Variants in LMBR1 observed in about 807,000 individuals in gnomAD.
LMBR1 encodes the protein limb development membrane protein 1.
LMBR1 carries 52 observed loss-of-function variants against 73.9 expected under a neutral mutation model. That is an observed-to-expected ratio of 0.70 (90% confidence interval 0.56 to 0.89). LMBR1 has a LOEUF of 0.89. Ranked by LOEUF, LMBR1 falls within the 40% of genes least tolerant of loss-of-function variation. The probability of loss-of-function intolerance (pLI) is 0.00; values close to 1 mark genes in which losing one functional copy is unlikely to be tolerated. For missense variants in LMBR1, 539 were observed against 579.8 expected (o/e 0.93, Z 0.72); for synonymous variants, 215 against 209.4 (o/e 1.03, Z -0.23).
At position 156,681,524 on chromosome 7, in the gene LMBR1, A is replaced by C. The variant is rs1805025648; in HGVS notation, c.*2554T>G. ...AAATGTTATAATCTGAAAACTTATA[A>C]TTGTAAAATAATTTATTTAAGTATT... On this transcript the variant is annotated 3_prime_UTR_variant, in exon 17 of 17. Coordinates refer to ENST00000353442, the MANE Select transcript of LMBR1 (RefSeq NM_022458.4). 2 of 154,366 alleles carry C rather than the reference A, an allele frequency of 1.3e-5. No individual in the cohort carries two copies. Among genetic ancestry groups the C allele is most frequent in the African/African-American group, 4.8e-5 (2 of 41,486 alleles). The allele number at this position is 154,366 out of a possible 1,614,324, so 9.6% of individuals were successfully genotyped here.
intron 8 of LMBR1, among the ~76,000 whole-genome samples, 161 bp from the exon 9 acceptor site, chr7:156,756,626 T>C (rs980254426): frequency 6.6e-6 from 1 of 152,198 alleles, no homozygotes; most frequent in Admixed American, 6.5e-5. Flanking sequence ...ATAAATTAAG[T>C]ACAAATACTT....
chr7:156,810,913 C>T (rs1313141992), intron 4 of LMBR1, among the ~76,000 whole-genome samples: 3 of 148,766 alleles, frequency 2.0e-5, no homozygotes, highest in Non-Finnish European at 3.0e-5. Context: ...CGGGTTCAAG[C>T]GATTCTCCTC....
chr7:156,787,318 T>C (rs1284399414), intron 5 of LMBR1, among the ~76,000 whole-genome samples: 1 of 152,224 alleles, frequency 6.6e-6, no homozygotes, highest in African/African-American at 2.4e-5. Flanking sequence ...TGTTCCTGTT[T>C]GTTGTTCTTC....
rs571180802 is a variant in LMBR1, at chr7:156,768,102, G to A, written c.424-4307C>T. ...TACAATATTTAAATAAACAGAAAACGAGGCTGGGCACAGTGGCTCACACCT... is the reference window on the plus strand; with the variant it reads ...TACAATATTTAAATAAACAGAAAACAAGGCTGGGCACAGTGGCTCACACCT... On this transcript the variant is annotated intron_variant, in intron 5 of 16. Transcript: ENST00000353442. Among the ~76,000 whole-genome samples, 1,035 of 152,138 alleles carry A rather than the reference G, an allele frequency of 6.8e-3. 5 individuals carry two copies. The highest frequency in any genetic ancestry group is 0.012 in the Non-Finnish European group (806 of 67,986).
chr7:156,867,719 T>C (rs1285631881), intron 1 of LMBR1, among the ~76,000 whole-genome samples: 1 of 152,224 alleles, frequency 6.6e-6, no homozygotes, highest in Non-Finnish European at 1.5e-5. Flanking sequence ...CAAATCTATA[T>C]AGGCAAATCT....
intron 1 of LMBR1, among the ~76,000 whole-genome samples, chr7:156,839,234 A>G (rs1838217470): frequency 6.6e-6 from 1 of 151,768 alleles, no homozygotes; most frequent in Non-Finnish European, 1.5e-5. Flanking sequence ...TTTTTAGTAG[A>G]GACGGGGTTT....
chr7:156,700,778 T>A (rs539131836), intron 15 of LMBR1, among the ~76,000 whole-genome samples: 1 of 152,194 alleles, frequency 6.6e-6, no homozygotes, highest in African/African-American at 2.4e-5. Context: ...GTCGCTTCCA[T>A]ATTTTCAGGT....
At chr7:156,810,795 T>G (rs1160848162) in intron 4 of LMBR1, among the ~76,000 whole-genome samples, 2 of 151,836 alleles carry the variant, frequency 1.3e-5, no homozygotes, top group African/African-American at 4.8e-5. Context: ...CACTTTCACA[T>G]AGTTTTTTGA....
chr7:156,782,272 G>C (rs1827279414), intron 5 of LMBR1, among the ~76,000 whole-genome samples: 1 of 152,206 alleles, frequency 6.6e-6, no homozygotes, highest in Admixed American at 6.5e-5. Flanking sequence ...ATGCTGCTAT[G>C]AACATGGGTG....
intron 1 of LMBR1, among the ~76,000 whole-genome samples, chr7:156,853,706 A>G (rs1796554113): frequency 1.3e-5 from 2 of 152,260 alleles, no homozygotes; most frequent in South Asian, 4.1e-4. Flanking sequence ...CTGAGACTGG[A>G]GTGCAGTGGC....
chr7:156,837,323 G>A (rs1468552767), intron 1 of LMBR1, among the ~76,000 whole-genome samples: 2 of 137,252 alleles, frequency 1.5e-5, no homozygotes, highest in African/African-American at 5.4e-5. Flanking sequence ...CAACAAGAGT[G>A]AGACTCCATC....
intron 15 of LMBR1, among the ~76,000 whole-genome samples, chr7:156,699,695 A>T (rs1393675098): frequency 5.9e-5 from 9 of 152,066 alleles, no homozygotes; most frequent in African/African-American, 2.4e-5. Context: ...CAATGAACTC[A>T]AACAAATTTA....
At chr7:156,822,983 ACACCTGT>A (rs1237364847) in intron 4 of LMBR1, 1 of 152,098 alleles carries the variant, frequency 6.6e-6, no homozygotes, top group Non-Finnish European at 1.5e-5. Context: ...GTGGTGGCAC[ACACCTGT>A]AGTCCCCGCT....
At chr7:156,688,229 G>C (rs1406465289) in intron 15 of LMBR1, 38 bp from the exon 16 acceptor site, 8 of 1,443,654 alleles carry the variant, frequency 5.5e-6, no homozygotes, top group Non-Finnish European at 7.5e-6. Context: ...AATGAAATCA[G>C]GTTAAGACAT....
At chr7:156,756,055 T>G (rs1378011240) in intron 9 of LMBR1, among the ~76,000 whole-genome samples, 2 of 152,256 alleles carry the variant, frequency 1.3e-5, no homozygotes, top group African/African-American at 4.8e-5. Flanking sequence ...ATATCATTAC[T>G]CTTTTCTTCA....
chr7:156,858,734 A>G (rs1243347562), intron 1 of LMBR1, among the ~76,000 whole-genome samples: 1 of 152,212 alleles, frequency 6.6e-6, no homozygotes, highest in Non-Finnish European at 1.5e-5. Flanking sequence ...GGAATTATCT[A>G]GTTATGCAAA....
chr7:156,845,237 C>G (rs183279909), intron 1 of LMBR1, among the ~76,000 whole-genome samples: 1 of 152,156 alleles, frequency 6.6e-6, no homozygotes, highest in East Asian at 1.9e-4. Flanking sequence ...AGAGAGAAAG[C>G]AAGTGAACTA....
chr7:156,677,014 G>A (rs1804187180), downstream of LMBR1: 1 of 208,304 alleles, frequency 4.8e-6, no homozygotes, highest in Non-Finnish European at 9.9e-6. Context: ...AATGTTTTCC[G>A]CTAATAGTCT....
chr7:156,690,450 C>T (rs1806939011), intron 15 of LMBR1, among the ~76,000 whole-genome samples: 1 of 152,186 alleles, frequency 6.6e-6, no homozygotes, highest in African/African-American at 2.4e-5. Flanking sequence ...TACGTTGTGA[C>T]AGCAATACCA....
Sources: allele counts gnomAD v4.1 joint callset (sites outside exome capture counted in the v4.1 genomes callset), GRCh38; gene constraint gnomAD v4.1.1; transcripts MANE v1.5; gene names NCBI Gene and HGNC (gene_info 2026-07-23, HGNC 2026-07-21).